Variants in LYN observed in about 807,000 individuals in gnomAD.
LYN encodes LYN proto-oncogene, Src family tyrosine kinase, also known as tyrosine-protein kinase Lyn.
A neutral mutation model predicts 65.0 loss-of-function variants in LYN; 12 were observed. The observed-to-expected ratio is 0.18, with a 90% CI of 0.12 to 0.30. The LOEUF is 0.30. LYN is among the 10% of genes least tolerant of loss of function. The pLI, the probability that LYN is intolerant of heterozygous loss-of-function variation, is 1.00. For missense variants in LYN, 380 were observed against 623.2 expected (o/e 0.61, Z 4.16); for synonymous variants, 222 against 221.2 (o/e 1.00, Z -0.03).
intron 12 of LYN, among the ~76,000 whole-genome samples, chr8:56,005,153 C>A (rs955866149): frequency 3.9e-5 from 6 of 152,192 alleles, no homozygotes; most frequent in African/African-American, 1.4e-4. Context: ...CTATTCCCAG[C>A]CACACAATTC....
At chr8:55,998,739 TA>T (rs1808440888) in intron 11 of LYN, among the ~76,000 whole-genome samples, 1 of 152,264 alleles carries the variant, frequency 6.6e-6, no homozygotes, top group Non-Finnish European at 1.5e-5. Flanking sequence ...GTATTTCAAT[TA>T]AGCAATGCAA....
intron 10 of LYN, among the ~76,000 whole-genome samples, chr8:55,982,447 A>T (rs1807953945): frequency 6.6e-6 from 1 of 152,104 alleles, no homozygotes. Context: ...TGTCAATGGA[A>T]CCAATGGTGT....
intron 1 of LYN, among the ~76,000 whole-genome samples, chr8:55,886,571 C>T (rs1000631832): frequency 1.3e-5 from 2 of 152,168 alleles, no homozygotes; most frequent in Non-Finnish European, 2.9e-5. Context: ...GACCACAACC[C>T]ATAGCAAGAA....
At chr8:55,949,790 A>G (rs78412597) in intron 4 of LYN, among the ~76,000 whole-genome samples, 2,839 of 152,180 alleles carry the variant, frequency 0.019, 42 homozygotes, top group Non-Finnish European at 0.028. Context: ...ATACCATACA[A>G]TCCATCTACT....
chr8:55,964,492 A>G (rs2668022), intron 8 of LYN, among the ~76,000 whole-genome samples: 31,345 of 152,238 alleles, frequency 0.21, 3,491 homozygotes, highest in Middle Eastern at 0.27. Context: ...AGCTATAAAT[A>G]AACTTTTTAT....
chr8:55,884,105 GTTC>G (rs1362677798), intron 1 of LYN, among the ~76,000 whole-genome samples: 1 of 152,132 alleles, frequency 6.6e-6, no homozygotes, highest in Non-Finnish European at 1.5e-5. Context: ...TGTTTTGTTT[GTTC>G]TTCTTTTCTG....
At chr8:55,918,993 G>C (rs1229348971) in intron 1 of LYN, among the ~76,000 whole-genome samples, 2 of 121,708 alleles carry the variant, frequency 1.6e-5, no homozygotes, top group African/African-American at 6.3e-5. Context: ...GAGCTCAGTT[G>C]TTCGAGACCA....
chr8:55,985,991 A>T (rs1179264262), intron 10 of LYN, among the ~76,000 whole-genome samples: 2 of 151,980 alleles, frequency 1.3e-5, no homozygotes, highest in East Asian at 3.9e-4. Context: ...ATATAGTGAG[A>T]CCTCATCTCT....
intron 10 of LYN, 22 bp from the exon 11 acceptor site, chr8:55,998,324 G>C: frequency 6.3e-7 from 1 of 1,596,846 alleles, no homozygotes; most frequent in Non-Finnish European, 8.6e-7. Flanking sequence ...ATATGAAAAT[G>C]GGAGCCTATT....
intron 1 of LYN, among the ~76,000 whole-genome samples, chr8:55,934,858 A>G (rs1806379682): frequency 6.6e-6 from 1 of 152,174 alleles, no homozygotes; most frequent in Non-Finnish European, 1.5e-5. Flanking sequence ...GTTCTATCCC[A>G]GTCTTTACTC....
At chr8:55,884,652 A>G (rs1228324680) in intron 1 of LYN, among the ~76,000 whole-genome samples, 6 of 151,244 alleles carry the variant, frequency 4.0e-5, no homozygotes, top group East Asian at 1.9e-4. Flanking sequence ...GATGGGTTTC[A>G]CCATGTTGGC....
intron 10 of LYN, among the ~76,000 whole-genome samples, chr8:55,988,673 A>G (rs987064998): frequency 6.6e-6 from 1 of 152,020 alleles, no homozygotes; most frequent in Non-Finnish European, 1.5e-5. Flanking sequence ...AATTTTTCTC[A>G]CTGCTTGTCT....
At chr8:55,944,586 T>G (rs1806723724) in intron 2 of LYN, among the ~76,000 whole-genome samples, 1 of 152,230 alleles carries the variant, frequency 6.6e-6, no homozygotes, top group Admixed American at 6.5e-5. Flanking sequence ...GTTCAAGCGA[T>G]TCTCCTGCCT....
intron 1 of LYN, among the ~76,000 whole-genome samples, chr8:55,917,326 C>T (rs946756905): frequency 2.6e-5 from 4 of 152,098 alleles, no homozygotes; most frequent in African/African-American, 9.7e-5. Flanking sequence ...GCTGGGACTA[C>T]AGGCATACAC....
chr8:55,981,949 G>T (rs1807939829), intron 10 of LYN, among the ~76,000 whole-genome samples: 1 of 152,212 alleles, frequency 6.6e-6, no homozygotes, highest in Non-Finnish European at 1.5e-5. Flanking sequence ...GATGCATTCT[G>T]CTTAATTTGG....
chr8:55,981,648 G>T (rs72653918), intron 10 of LYN, among the ~76,000 whole-genome samples: 1 of 152,308 alleles, frequency 6.6e-6, no homozygotes, highest in Non-Finnish European at 1.5e-5. Flanking sequence ...GAGCCACCGT[G>T]CCCGGCCAGA....
chr8:55,967,080 AG>A (rs1376751611), intron 9 of LYN, among the ~76,000 whole-genome samples, 183 bp downstream of exon 9: 4 of 152,012 alleles, frequency 2.6e-5, no homozygotes, highest in South Asian at 4.2e-4. Flanking sequence ...TCCATGTCAC[AG>A]AATTGAAATC....
chr8:56,001,622 A>ACAT (rs1439697820), intron 12 of LYN, among the ~76,000 whole-genome samples: 1 of 152,146 alleles, frequency 6.6e-6, no homozygotes, highest in African/African-American at 2.4e-5. Context: ...TAATGAATTA[A>ACAT]CATTGCTGCA....
Position 56,008,311 on chromosome 8 carries a change from A to G in LYN, c.1337-1597A>G, listed in dbSNP as rs1808729292. Among the ~76,000 whole-genome samples the G allele has an allele frequency of 2.0e-5, 3 of 152,134 alleles. No homozygotes were observed. In the South Asian group the frequency reaches 6.2e-4, roughly 31 times the overall value. ...AAAAGCCATTTCCCCTGAAGCTGCCACTTATTTAGAATCCTTCCAGTGACC... is the reference window on the plus strand; with the variant it reads ...AAAAGCCATTTCCCCTGAAGCTGCCGCTTATTTAGAATCCTTCCAGTGACC... On this transcript the variant is annotated intron_variant, in intron 12 of 12. Transcript: ENST00000519728.
Sources: allele counts gnomAD v4.1 joint callset (sites outside exome capture counted in the v4.1 genomes callset), GRCh38; gene constraint gnomAD v4.1.1; transcripts MANE v1.5; gene names NCBI Gene and HGNC (gene_info 2026-07-23, HGNC 2026-07-21).